The following SLC20A2 variants were observed in gnomAD, a reference collection of about 807,000 sequenced individuals.
SLC20A2 encodes the protein solute carrier family 20 member 2, also known as sodium-dependent phosphate transporter 2.
In SLC20A2, 30 loss-of-function variants were observed where a neutral mutation model predicts 61.0. The ratio of observed to expected loss-of-function variants is 0.49; its 90% CI spans 0.37 to 0.67. The LOEUF is 0.67. SLC20A2 is among the 30% of genes least tolerant of loss of function. The probability of loss-of-function intolerance (pLI) is 0.00; values close to 1 mark genes in which losing one functional copy is unlikely to be tolerated. For synonymous variants in SLC20A2, 351 were observed against 353.3 expected, an observed-to-expected ratio of 0.99 and a Z score of 0.07; for missense variants, 626 against 866.4, an observed-to-expected ratio of 0.72 and a Z score of 3.48.
intron 3 of SLC20A2, 77 bp from the exon 4 acceptor site, chr8:42,463,167 T>C: frequency 3.7e-6 from 3 of 819,526 alleles, no homozygotes; most frequent in Non-Finnish European, 5.9e-6. Context: ...AACACAATGA[T>C]AAACAAAATG....
chr8:42,452,970 A>G (rs1805864349), intron 5 of SLC20A2, among the ~76,000 whole-genome samples: 1 of 152,188 alleles, frequency 6.6e-6, no homozygotes, highest in Admixed American at 6.5e-5. Context: ...AAACTGTAAC[A>G]TGCTTCCAAA....
chr8:42,440,289 C>A (rs1461257790), intron 6 of SLC20A2, among the ~76,000 whole-genome samples: 1 of 152,114 alleles, frequency 6.6e-6, no homozygotes, highest in Non-Finnish European at 1.5e-5. Context: ...TATAGCCACC[C>A]AGACTGGCCT....
rs1223848115 is a variant in SLC20A2 at position 42,416,973 on chromosome 8, G to A, written c.*830C>T. On this transcript the variant is annotated 3_prime_UTR_variant, in exon 11 of 11. Coordinates refer to ENST00000520262, the MANE Select transcript of SLC20A2 (RefSeq NM_001257180.2). ...GGGTGTGGTGGCGGTGGCACTGCTG[G>A]TGGGAGCCACGGCGTGGCGCATGCT... 1 of 152,720 alleles carries A rather than the reference G, an allele frequency of 6.5e-6. No homozygotes were observed. The highest frequency in any genetic ancestry group is 1.5e-5 in the Non-Finnish European group (1 of 68,086). The allele number at this position is 152,720 out of a possible 1,614,324, so 9.5% of individuals were successfully genotyped here. A position where few individuals can be genotyped will look rare whatever the true frequency, so the allele number is the denominator to read the frequency against.
intron 1 of SLC20A2, among the ~76,000 whole-genome samples, chr8:42,490,562 A>C (rs1035680433): frequency 1.3e-5 from 2 of 152,142 alleles, no homozygotes; most frequent in African/African-American, 4.8e-5. Flanking sequence ...CTGCCACTGC[A>C]CTCCACCCTG....
intron 3 of SLC20A2, chr8:42,463,395 C>T (rs185006205): frequency 2.2e-4 from 47 of 210,360 alleles, no homozygotes; most frequent in East Asian, 9.4e-4. Context: ...CTGCCTCCCA[C>T]GGAGTCTTTC....
At position 42,437,352 on chromosome 8, in the gene SLC20A2, G is replaced by T; in HGVS notation, c.1160C>A (p.Thr387Asn). Reference protein sequence around the residue: ...YRLLRRNNSYTCYTAAICGLP... With the variant: ...YRLLRRNNSYNCYTAAICGLP... ...CCCACAAATGGCTGCGGTGTAGCAG[G>T]TGTAACTGTTGTTTCGGCGCAGCAG... The change falls in exon 8 of 11, where the codon ACC becomes AAC. Residue 387 changes from threonine (T) to asparagine (N), a missense_variant. By Grantham distance (65) the Thr-to-Asn change is moderately conservative. Coordinates refer to ENST00000520262, the MANE Select transcript of SLC20A2 (RefSeq NM_001257180.2). The surrounding 1 kb of genome is among the most constrained non-coding windows in gnomAD (Gnocchi z 6.4). The T allele has an allele frequency of 1.2e-6, 2 of 1,614,192 alleles. No homozygotes were observed. Among genetic ancestry groups the T allele is most frequent in the Middle Eastern group, 1.6e-4 (1 of 6,062 alleles).
intron 8 of SLC20A2, among the ~76,000 whole-genome samples, chr8:42,433,242 G>A (rs911493093): frequency 3.9e-5 from 6 of 152,086 alleles, no homozygotes; most frequent in Admixed American, 1.3e-4. Flanking sequence ...GCCCCTCCCC[G>A]CAGCTAATGG....
At chr8:42,428,941 A>G (rs1030405733) in intron 9 of SLC20A2, 99 bp from the exon 10 acceptor site, 2 of 895,498 alleles carry the variant, frequency 2.2e-6, no homozygotes, top group African/African-American at 3.5e-5. Flanking sequence ...CTCTGGGGTG[A>G]CTGCCGACTG....
chr8:42,539,483 C>T (rs1352696978), intron 1 of SLC20A2, among the ~76,000 whole-genome samples: 1 of 152,188 alleles, frequency 6.6e-6, no homozygotes, highest in Non-Finnish European at 1.5e-5. Flanking sequence ...ATGTTCAAGA[C>T]ATTTAAAGGC....
intron 5 of SLC20A2, among the ~76,000 whole-genome samples, chr8:42,449,855 T>G (rs550411790): frequency 4.6e-5 from 7 of 152,342 alleles, no homozygotes; most frequent in Middle Eastern, 3.4e-3. Context: ...GAACATTTAT[T>G]TTTCTTTTTT....
upstream of SLC20A2, chr8:42,502,636 G>T (rs928348606): frequency 2.0e-5 from 3 of 152,230 alleles, no homozygotes; most frequent in Admixed American, 2.0e-4. Context: ...GGCCTAACCT[G>T]AGGCTCTGTG....
At chr8:42,520,007 T>TA (rs1811548711) in intron 1 of SLC20A2, among the ~76,000 whole-genome samples, 1 of 130,556 alleles carries the variant, frequency 7.7e-6, no homozygotes, top group African/African-American at 3.0e-5. Context: ...TTTATGCTAA[T>TA]CTTTTTTTTT....
At chr8:42,494,997 C>T (rs1317813512) in intron 1 of SLC20A2, among the ~76,000 whole-genome samples, 1 of 151,918 alleles carries the variant, frequency 6.6e-6, no homozygotes, top group Admixed American at 6.6e-5. Context: ...CAGGCATGTG[C>T]CACCACACTT....
chr8:42,491,529 G>A (rs1056559886), intron 1 of SLC20A2, among the ~76,000 whole-genome samples: 2 of 151,916 alleles, frequency 1.3e-5, no homozygotes, highest in African/African-American at 4.8e-5. Flanking sequence ...AAATTAGCTG[G>A]GCATGGTGGC....
intron 1 of SLC20A2, chr8:42,484,786 A>G (rs1350091142): frequency 6.2e-6 from 2 of 322,576 alleles, no homozygotes; most frequent in African/African-American, 2.2e-5. Flanking sequence ...GGCTGCTCCC[A>G]TATCATGCGG....
intron 1 of SLC20A2, among the ~76,000 whole-genome samples, chr8:42,486,243 TA>T (rs1389513951): frequency 4.6e-5 from 7 of 152,100 alleles, no homozygotes; most frequent in Admixed American, 2.0e-4. Context: ...TTTTTTTATT[TA>T]AATTTTTTTT....
At chr8:42,445,025 C>T (rs1440453307) in intron 5 of SLC20A2, among the ~76,000 whole-genome samples, 1 of 152,226 alleles carries the variant, frequency 6.6e-6, no homozygotes, top group African/African-American at 2.4e-5. Context: ...GGCATGGCGG[C>T]TCACACCTGT....
chr8:42,445,505 C>A (rs935623232), intron 5 of SLC20A2, among the ~76,000 whole-genome samples: 1 of 152,110 alleles, frequency 6.6e-6, no homozygotes, highest in East Asian at 1.9e-4. Flanking sequence ...GTGGGAGGAT[C>A]ACCTGAGGTC....
chr8:42,505,400 T>G (rs567152394), upstream of SLC20A2, among the ~76,000 whole-genome samples: 20 of 152,286 alleles, frequency 1.3e-4, no homozygotes, highest in African/African-American at 4.6e-4. Flanking sequence ...CCCAAAGTGC[T>G]GGGATTACAG....
Sources: gnomAD v4.1 joint callset for allele counts (sites outside exome capture counted in the v4.1 genomes callset) on GRCh38, gnomAD v4.1.1 for gene constraint, Gnocchi (gnomAD v3.1) non-coding constraint, MANE v1.5 for transcripts, NCBI Gene and HGNC (gene_info 2026-07-23, HGNC 2026-07-21) for gene names.